The following KIAA0825 variants were observed in gnomAD, a reference collection of about 807,000 sequenced individuals.
KIAA0825 encodes KIAA0825, also known as uncharacterized protein KIAA0825.
Under a neutral mutation model 147.6 loss-of-function variants are expected in KIAA0825, and 119 were observed. The observed-to-expected ratio is 0.81, with a 90% CI of 0.69 to 0.94. The LOEUF (loss-of-function observed/expected upper bound fraction) is 0.94. Among genes scored for constraint, KIAA0825 ranks in the 40% least tolerant of loss-of-function variants. KIAA0825 has a pLI of 0.00. For missense variants in KIAA0825, 1,381 were observed against 1,472.7 expected (o/e 0.94, Z 1.02); for synonymous variants, 470 against 518.1 (o/e 0.91, Z 1.26).
At chr5:94,195,313 G>T (rs1029443452) in intron 20 of KIAA0825, among the ~76,000 whole-genome samples, 1 of 152,094 alleles carries the variant, frequency 6.6e-6, no homozygotes, top group African/African-American at 2.4e-5. Flanking sequence ...TTCTAATGCA[G>T]ATTTTTGAAT....
chr5:94,398,829 C>T (rs950989487), intron 16 of KIAA0825, among the ~76,000 whole-genome samples: 69 of 152,082 alleles, frequency 4.5e-4, no homozygotes, highest in Non-Finnish European at 7.4e-5. Context: ...GTAAAACGTT[C>T]TTTACTGTTT....
At chr5:94,419,366 A>G (rs1753878888) in intron 14 of KIAA0825, among the ~76,000 whole-genome samples, 1 of 152,148 alleles carries the variant, frequency 6.6e-6, no homozygotes, top group Admixed American at 6.5e-5. Context: ...TTCATCTTAC[A>G]TAAAATTATC....
intron 5 of KIAA0825, among the ~76,000 whole-genome samples, chr5:94,513,066 C>G (rs1407634684): frequency 6.6e-6 from 1 of 152,136 alleles, no homozygotes; most frequent in East Asian, 1.9e-4. Flanking sequence ...TACTTGTCCA[C>G]ATATTTGTTC....
chr5:94,492,785 T>A (rs1166599115), intron 5 of KIAA0825, among the ~76,000 whole-genome samples: 2 of 152,212 alleles, frequency 1.3e-5, no homozygotes, highest in Non-Finnish European at 1.5e-5. Flanking sequence ...AGGAAATATT[T>A]TGGAGAGAAA....
At chr5:94,268,898 T>C (rs1281894357) in intron 20 of KIAA0825, among the ~76,000 whole-genome samples, 1 of 152,156 alleles carries the variant, frequency 6.6e-6, no homozygotes, top group East Asian at 1.9e-4. Flanking sequence ...TGGAAGCTGC[T>C]CATATGCCCC....
intron 3 of KIAA0825, among the ~76,000 whole-genome samples, chr5:94,531,411 T>C (rs1770778301): frequency 2.6e-5 from 4 of 152,172 alleles, no homozygotes; most frequent in Admixed American, 2.6e-4. Flanking sequence ...TACCACCACC[T>C]CTACCTGCAA....
At chr5:94,534,591 T>G (rs895225386) in intron 3 of KIAA0825, among the ~76,000 whole-genome samples, 2 of 152,198 alleles carry the variant, frequency 1.3e-5, no homozygotes, top group Non-Finnish European at 2.9e-5. Flanking sequence ...ATGTTCCATA[T>G]TGTATTTTCT....
At chr5:94,292,726 C>G (rs1777955208) in intron 20 of KIAA0825, among the ~76,000 whole-genome samples, 2 of 152,118 alleles carry the variant, frequency 1.3e-5, no homozygotes, top group African/African-American at 2.4e-5. Flanking sequence ...TAGAAATCGG[C>G]TGTGAATCTG....
intron 1 of KIAA0825, among the ~76,000 whole-genome samples, chr5:94,588,386 C>T (rs1186689142): frequency 6.6e-6 from 1 of 152,136 alleles, no homozygotes; most frequent in African/African-American, 2.4e-5. Context: ...AGGATATGAA[C>T]AGACACTTTT....
At position 94,618,546 on chromosome 5, in the gene KIAA0825, G is replaced by C. The variant is rs1357251290; in HGVS notation, c.-199C>G. The C allele has an allele frequency of 6.5e-6, 1 of 153,210 alleles. No homozygotes were observed. The highest frequency in any genetic ancestry group is 2.4e-5 in the African/African-American group (1 of 41,460). 9.5% of individuals were successfully genotyped at this position (153,210 alleles called of 1,614,324 possible). A position where few individuals can be genotyped will look rare whatever the true frequency, so the allele number is the denominator to read the frequency against. ...GATCTAGCAAGAGCCTGACCCGCTG[G>C]CCAGACTCAAGCTCTGCACCAGGTA... On this transcript the variant is annotated 5_prime_UTR_variant, in exon 1 of 21. Transcript: ENST00000682413.
At chr5:94,470,134 G>A in intron 9 of KIAA0825, 23 bp from the exon 10 acceptor site, 1 of 1,538,658 alleles carries the variant, frequency 6.5e-7, no homozygotes, top group African/African-American at 1.4e-5. Context: ...AATGATCAAA[G>A]AGACAGAGAT....
chr5:94,608,474 A>ATTATATATATATT (rs1491366946), intron 1 of KIAA0825, among the ~76,000 whole-genome samples: 1 of 14,522 alleles, frequency 6.9e-5, no homozygotes, highest in African/African-American at 2.9e-4. Context: ...TTATATATAT[A>ATTATATATATATT]ATATATATAT....
At chr5:94,539,458 T>C (rs1772823795) in intron 2 of KIAA0825, among the ~76,000 whole-genome samples, 1 of 152,150 alleles carries the variant, frequency 6.6e-6, no homozygotes, top group Non-Finnish European at 1.5e-5. Context: ...ATCTTTCTGG[T>C]GACCACAGAA....
intron 20 of KIAA0825, among the ~76,000 whole-genome samples, chr5:94,161,697 T>C (rs1438134692): frequency 1.3e-5 from 2 of 152,222 alleles, no homozygotes; most frequent in African/African-American, 4.8e-5. Context: ...TCGTTATCTG[T>C]AGCTTTTGTT....
In KIAA0825 at chr5:94,592,622, T is replaced by C. The variant is rs143630455; in HGVS notation, c.-152-10039A>G. Reference sequence around the variant, plus strand: ...GTTGCAGTGTGATGATGGAAAACCTTGCTGAAGCTGTACATTGGAATGGGT... The same window carrying C: ...GTTGCAGTGTGATGATGGAAAACCTCGCTGAAGCTGTACATTGGAATGGGT... On this transcript the variant is annotated intron_variant, in intron 1 of 20. Coordinates refer to ENST00000682413, the MANE Select transcript of KIAA0825 (RefSeq NM_001145678.3). 3.6e-5 allele frequency: 7 copies of C among 192,072 alleles called. No homozygotes were observed. The East Asian group carries it at 1.1e-3, about 29-fold the overall frequency. The allele number at this position is 192,072 out of a possible 1,614,324, so 11.9% of individuals were successfully genotyped here. A position where few individuals can be genotyped will look rare whatever the true frequency, so the allele number is the denominator to read the frequency against.
At position 94,154,038 on chromosome 5, in the gene KIAA0825, G is replaced by A. The variant is rs1766801715; in HGVS notation, c.3797C>T (p.Ser1266Phe). 2 of 1,551,482 alleles carry A rather than the reference G, an allele frequency of 1.3e-6. No individual in the cohort carries two copies. Among genetic ancestry groups the A allele is most frequent in the Non-Finnish European group, 1.7e-6 (2 of 1,146,850 alleles). ...TTCCTCTATGTTATCTGAGGCAGAA[G>A]AGTTCTGTGGGGTGCAAATTTGTTT... is the stretch of plus-strand genomic sequence containing the variant. ...HLKQICTPQN[S>F]SASDNIEEQ The change falls in exon 21 of 21, where the codon TCT becomes TTT. Residue 1266 changes from serine (S) to phenylalanine (F), a missense_variant. Coordinates refer to ENST00000682413, the MANE Select transcript of KIAA0825 (RefSeq NM_001145678.3).
intron 14 of KIAA0825, among the ~76,000 whole-genome samples, chr5:94,428,828 G>T (rs919786199): frequency 2.2e-4 from 33 of 152,098 alleles, no homozygotes; most frequent in African/African-American, 7.7e-4. Flanking sequence ...CTCTCAGGAT[G>T]CCAATAATTA....
At chr5:94,404,016 A>C (rs1751727093) in intron 15 of KIAA0825, among the ~76,000 whole-genome samples, 1 of 152,174 alleles carries the variant, frequency 6.6e-6, no homozygotes, top group South Asian at 2.1e-4. Flanking sequence ...AACAGTACAT[A>C]ATATTTACTG....
chr5:94,224,163 G>T (rs1368828593), intron 20 of KIAA0825, among the ~76,000 whole-genome samples: 1 of 130,520 alleles, frequency 7.7e-6, no homozygotes, highest in African/African-American at 3.0e-5. Context: ...GCACAATCTC[G>T]GCTCACTACA....
Sources: allele counts gnomAD v4.1 joint callset (sites outside exome capture counted in the v4.1 genomes callset), GRCh38; gene constraint gnomAD v4.1.1; transcripts MANE v1.5; gene names NCBI Gene and HGNC (gene_info 2026-07-23, HGNC 2026-07-21).